The following RBFOX1 variants were observed in gnomAD, a reference collection of about 807,000 sequenced individuals.
RBFOX1 encodes the protein RNA binding protein fox-1 homolog 1.
In RBFOX1, 8 loss-of-function variants were observed where a neutral mutation model predicts 57.7. The ratio of observed to expected loss-of-function variants is 0.14; its 90% CI spans 0.08 to 0.25. The LOEUF (loss-of-function observed/expected upper bound fraction) is 0.25, where lower values mean the gene tolerates loss of function less well. Among genes scored for constraint, RBFOX1 ranks in the 10% least tolerant of loss-of-function variants. The probability of loss-of-function intolerance (pLI) is 1.00; values close to 1 mark genes in which losing one functional copy is unlikely to be tolerated. For synonymous variants in RBFOX1, 326 were observed against 222.4 expected (o/e 1.47, Z -4.15); for missense variants, 611 against 548.5 (o/e 1.11, Z -1.14).
At chr16:6,289,565 C>A (rs2077246563) in intron 1 of RBFOX1, among the ~76,000 whole-genome samples, 1 of 152,138 alleles carries the variant, frequency 6.6e-6, no homozygotes, top group Admixed American at 6.5e-5. Context: ...AGACTGTTCT[C>A]TTATGCCCTT....
At chr16:6,361,628 T>TTA (rs1371587081) in intron 2 of RBFOX1, among the ~76,000 whole-genome samples, 4 of 127,928 alleles carry the variant, frequency 3.1e-5, no homozygotes, top group African/African-American at 1.2e-4. Flanking sequence ...ACTCTGTCTC[T>TTA]AAAAAAAAAA....
intron 3 of RBFOX1, among the ~76,000 whole-genome samples, chr16:6,863,645 C>A (rs954061592): frequency 7.7e-6 from 1 of 130,508 alleles, no homozygotes; most frequent in Non-Finnish European, 1.6e-5. Context: ...CATCAAAATA[C>A]CAAGGTTCTG....
intron 2 of RBFOX1, among the ~76,000 whole-genome samples, chr16:6,384,140 A>G (rs2092068698): frequency 6.6e-6 from 1 of 150,808 alleles, no homozygotes; most frequent in Non-Finnish European, 1.5e-5. Context: ...CTTGGTTGAA[A>G]GGTGCTGGAT....
At chr16:7,525,172 AT>A (rs1455696300) in intron 5 of RBFOX1, among the ~76,000 whole-genome samples, 1 of 152,092 alleles carries the variant, frequency 6.6e-6, no homozygotes, top group Non-Finnish European at 1.5e-5. Flanking sequence ...TTTATATCTT[AT>A]AAGTACTCAC....
chr16:5,620,462 C>T (rs896463494), intron 3 of RBFOX1, among the ~76,000 whole-genome samples: 4 of 152,170 alleles, frequency 2.6e-5, no homozygotes, highest in African/African-American at 7.2e-5. Context: ...TCGCTTCAAC[C>T]GGAGAAATGC....
chr16:5,609,867 G>T (rs760748108), intron 3 of RBFOX1, among the ~76,000 whole-genome samples: 6 of 150,804 alleles, frequency 4.0e-5, no homozygotes, highest in Admixed American at 6.7e-5. Context: ...GGACTGTGCA[G>T]AGACGGTGGG....
chr16:6,019,835 A>T lies in RBFOX1; in HGVS notation c.-284A>T. 1 of 1,523,672 alleles carries T rather than the reference A, an allele frequency of 6.6e-7. No homozygotes were observed. Among genetic ancestry groups the T allele is most frequent in the Non-Finnish European group, 8.8e-7 (1 of 1,139,848 alleles). The allele number at this position is 1,523,672 out of a possible 1,614,324, so 94.4% of individuals were successfully genotyped here. Reference sequence around the variant, plus strand: ...AGGCAGGCGCGCCAGGGCGGGGCTGACCTGCCCGCGAAGTTGCGGACAGTG... The same window carrying T: ...AGGCAGGCGCGCCAGGGCGGGGCTGTCCTGCCCGCGAAGTTGCGGACAGTG... On this transcript the variant is annotated 5_prime_UTR_variant, in exon 1 of 16. Transcript: ENST00000550418. This position sits in a 1 kb window ranked among gnomAD's most constrained non-coding sequence, Gnocchi z 4.2.
chr16:7,422,140 G>T (rs754464166), intron 4 of RBFOX1, among the ~76,000 whole-genome samples: 2 of 152,146 alleles, frequency 1.3e-5, no homozygotes, highest in Admixed American at 6.5e-5. Flanking sequence ...TCGTATTTCT[G>T]TGTGTATGTT....
Position 6,944,716 on chromosome 16 carries a change from C to T in RBFOX1, c.-15-107341C>T, listed in dbSNP as rs545506319. On this transcript the variant is annotated intron_variant, in intron 3 of 15. Transcript: ENST00000550418. ...GTTCAGTACATGGTTTCCTGGGCAACCTTTCTGCCCCTTGACATACATGGA... is the reference window on the plus strand; with the variant it reads ...GTTCAGTACATGGTTTCCTGGGCAATCTTTCTGCCCCTTGACATACATGGA... Among the ~76,000 whole-genome samples, 50 of 152,258 alleles carry T rather than the reference C, an allele frequency of 3.3e-4. 1 individual carries two copies. In the South Asian group the frequency reaches 9.8e-3, roughly 30 times the overall value.
At chr16:7,509,298 A>G (rs977189113) in intron 4 of RBFOX1, among the ~76,000 whole-genome samples, 4 of 152,156 alleles carry the variant, frequency 2.6e-5, no homozygotes, top group African/African-American at 4.8e-5. Flanking sequence ...TGTAAGGTCT[A>G]TAGGGACAAA....
intron 3 of RBFOX1, among the ~76,000 whole-genome samples, chr16:7,005,315 A>C (rs62016452): frequency 6.6e-6 from 1 of 151,992 alleles, no homozygotes. Flanking sequence ...CTCCCTTTCA[A>C]TGAGACTGTG....
At chr16:7,670,357 A>T (rs1479924275) in intron 13 of RBFOX1, among the ~76,000 whole-genome samples, 1 of 152,184 alleles carries the variant, frequency 6.6e-6, no homozygotes. Context: ...TTTCCAGAAA[A>T]AAAGAAAATA....
chr16:6,268,904 C>G (rs141021016), intron 1 of RBFOX1, among the ~76,000 whole-genome samples: 4 of 152,224 alleles, frequency 2.6e-5, no homozygotes, highest in African/African-American at 9.6e-5. Context: ...CAGGACAGTC[C>G]AAAATCCATG....
At chr16:6,743,778 A>G (rs1022576942) in intron 3 of RBFOX1, among the ~76,000 whole-genome samples, 1 of 147,468 alleles carries the variant, frequency 6.8e-6, no homozygotes, top group African/African-American at 2.5e-5. Flanking sequence ...AGGAAGAAAA[A>G]TAAATAAATA....
At chr16:6,674,075 C>T (rs1294524763) in intron 3 of RBFOX1, among the ~76,000 whole-genome samples, 2 of 152,138 alleles carry the variant, frequency 1.3e-5, no homozygotes, top group East Asian at 1.9e-4. Flanking sequence ...AGATTCAGCA[C>T]TCTCTTGGTT....
intron 2 of RBFOX1, among the ~76,000 whole-genome samples, chr16:6,543,452 C>T (rs1006410236): frequency 6.6e-6 from 1 of 152,128 alleles, no homozygotes; most frequent in Admixed American, 6.6e-5. Flanking sequence ...GAGGCATTTT[C>T]TTTCTTGACT....
At chr16:5,733,815 A>C (rs1372101924) in intron 3 of RBFOX1, among the ~76,000 whole-genome samples, 2 of 149,072 alleles carry the variant, frequency 1.3e-5, no homozygotes, top group Non-Finnish European at 3.0e-5. Flanking sequence ...TTTCCTTCCC[A>C]TCCGCGTCCA....
rs190189421 is a variant in RBFOX1 at position 7,569,346 on chromosome 16, A to G, written c.271-10431A>G. ...TAGGCTCATAATTTGATCTTTCCCC[A>G]TGCCTTTCCTGGCCCCTGAAGGCCA... is the stretch of plus-strand genomic sequence containing the variant. On this transcript the variant is annotated intron_variant, in intron 5 of 15. Transcript: ENST00000550418. Among the ~76,000 whole-genome samples the G allele has an allele frequency of 2.1e-3, 317 of 152,184 alleles. 1 individual carries two copies. Among genetic ancestry groups the G allele is most frequent in the African/African-American group, 6.9e-3 (287 of 41,534 alleles).
chr16:6,890,254 C>G (rs569370088), intron 3 of RBFOX1, among the ~76,000 whole-genome samples: 1 of 152,196 alleles, frequency 6.6e-6, no homozygotes, highest in African/African-American at 2.4e-5. Flanking sequence ...CATGGTAGCT[C>G]ATGCCTGTAA....
Sources: allele counts gnomAD v4.1 joint callset (sites outside exome capture counted in the v4.1 genomes callset), GRCh38; gene constraint gnomAD v4.1.1; non-coding constraint Gnocchi (gnomAD v3.1); transcripts MANE v1.5; gene names NCBI Gene and HGNC (gene_info 2026-07-23, HGNC 2026-07-21).